Variants in NLRP14 observed in about 807,000 individuals in gnomAD.
NLRP14 encodes the protein NLR family pyrin domain containing 14.
NLRP14 carries 105 observed loss-of-function variants against 94.7 expected under a neutral mutation model. That is an observed-to-expected ratio of 1.11 (90% CI 0.95 to 1.30). The LOEUF (loss-of-function observed/expected upper bound fraction) is 1.30. Ranked by LOEUF, NLRP14 falls within the 50% of genes most tolerant of loss-of-function variation. The pLI is 0.00. For synonymous variants in NLRP14, 508 were observed against 459.9 expected (o/e 1.10, Z -1.34); for missense variants, 1,362 against 1,254.1 (o/e 1.09, Z -1.30).
chr11:7,075,121 C>G (rs1852858784), downstream of NLRP14, among the ~76,000 whole-genome samples: 3 of 152,088 alleles, frequency 2.0e-5, no homozygotes, highest in Admixed American at 2.0e-4. Context: ...TGTGTCTGAC[C>G]TCCCGTCTCT....
intron 1 of NLRP14, among the ~76,000 whole-genome samples, chr11:7,024,994 AGAG>A (rs1053455064): frequency 3.9e-5 from 6 of 152,262 alleles, no homozygotes; most frequent in Non-Finnish European, 7.4e-5. Flanking sequence ...AAAAAAAGAA[AGAG>A]GAGTTTATAA....
At chr11:7,045,025 T>C (rs956932347) in intron 4 of NLRP14, among the ~76,000 whole-genome samples, 2 of 152,202 alleles carry the variant, frequency 1.3e-5, no homozygotes, top group Non-Finnish European at 2.9e-5. Flanking sequence ...AGAAGGCATA[T>C]AACTTGACTG....
At chr11:7,044,184 C>T (rs1022221494) in intron 4 of NLRP14, among the ~76,000 whole-genome samples, 200 bp downstream of exon 4, 5 of 152,076 alleles carry the variant, frequency 3.3e-5, no homozygotes, top group Admixed American at 2.6e-4. Context: ...CAAAAACTTT[C>T]CTGAGATGGC....
In NLRP14 at chr11:7,042,896, T is replaced by A; in HGVS notation, c.870T>A (p.Ser290Arg). ...TQEHPVSFLM[S>R]SLLRKVMLPE... ...AACACCCAGTGTCCTTCCTCATGAG[T>A]AGTTTGCTGAGGAAAGTGATGCTCC... The change falls in exon 4 of 12, where the codon AGT becomes AGA. Residue 290 changes from serine (S) to arginine (R), a missense_variant. By Grantham distance (110) the Ser-to-Arg change is moderately radical. Transcript: ENST00000299481. 6.2e-7 allele frequency: 1 copy of A among 1,613,798 alleles called. No homozygotes were observed. The highest frequency in any genetic ancestry group is 8.5e-7 in the Non-Finnish European group (1 of 1,179,904).
intron 6 of NLRP14, among the ~76,000 whole-genome samples, chr11:7,052,787 ACT>A (rs371512748): frequency 6.6e-5 from 10 of 152,280 alleles, no homozygotes; most frequent in Middle Eastern, 3.4e-3. Context: ...GAGTGAGGAA[ACT>A]CTGTGGCTCA....
chr11:7,031,984 C>T (rs1477252132), intron 1 of NLRP14, among the ~76,000 whole-genome samples: 3 of 152,212 alleles, frequency 2.0e-5, no homozygotes, highest in Non-Finnish European at 4.4e-5. Context: ...CCAGCAGTGA[C>T]CCAAAATTGC....
At chr11:7,048,464 C>A (rs555063646) in intron 5 of NLRP14, among the ~76,000 whole-genome samples, 3 of 152,176 alleles carry the variant, frequency 2.0e-5, no homozygotes, top group East Asian at 3.9e-4. Flanking sequence ...GAATGCTGAA[C>A]AAATGATAGA....
intron 1 of NLRP14, among the ~76,000 whole-genome samples, chr11:7,035,118 C>G (rs879521353): frequency 6.7e-6 from 1 of 149,836 alleles, no homozygotes; most frequent in Non-Finnish European, 1.5e-5. Context: ...ATGGTGAAAC[C>G]CTGTCTCTAC....
chr11:7,072,809 A>C (rs905370870), downstream of NLRP14, among the ~76,000 whole-genome samples: 1 of 152,104 alleles, frequency 6.6e-6, no homozygotes, highest in African/African-American at 2.4e-5. Flanking sequence ...GGTGTTTTCT[A>C]TCTGTTGGAG....
At chr11:7,073,618 G>C (rs1034116051), downstream of NLRP14, among the ~76,000 whole-genome samples, 1 of 152,166 alleles carries the variant, frequency 6.6e-6, no homozygotes. Context: ...CCATAAGTCA[G>C]GGTTCCCACA....
intron 1 of NLRP14, among the ~76,000 whole-genome samples, chr11:7,025,603 A>T (rs1852003553): frequency 6.6e-6 from 1 of 152,184 alleles, no homozygotes; most frequent in African/African-American, 2.4e-5. Context: ...AGAAACTCTC[A>T]GAGTCACTCA....
At chr11:7,082,303 A>G in the NLRP14 span, among the ~76,000 whole-genome samples, 1 of 152,170 alleles carries the variant, frequency 6.6e-6, no homozygotes, top group African/African-American at 2.4e-5. Context: ...TATATTTTTT[A>G]CCAACAATGC....
chr11:7,089,857 C>G, the NLRP14 span: 1 of 1,612,326 alleles, frequency 6.2e-7, no homozygotes, highest in Non-Finnish European at 8.5e-7. Context: ...TACGGCCACT[C>G]CAGTGTCCGG....
At chr11:7,061,721 G>A (rs1852624517) in intron 9 of NLRP14, among the ~76,000 whole-genome samples, 1 of 152,014 alleles carries the variant, frequency 6.6e-6, no homozygotes, top group Non-Finnish European at 1.5e-5. Context: ...GAGAAATGAT[G>A]AAGATTCTGT....
downstream of NLRP14, among the ~76,000 whole-genome samples, chr11:7,076,087 G>A (rs1017407525): frequency 6.6e-6 from 1 of 152,176 alleles, no homozygotes; most frequent in Admixed American, 6.5e-5. Flanking sequence ...TGGAACAGTG[G>A]TGATGGTTAG....
chr11:7,074,817 T>TTTATACATTTATACATTTTCC (rs1852854408), downstream of NLRP14, among the ~76,000 whole-genome samples: 2 of 152,234 alleles, frequency 1.3e-5, no homozygotes, highest in African/African-American at 4.8e-5. Context: ...TATTTATACA[T>TTTATACATTTATACATTTTCC]TTTCCTTTAA....
At chr11:7,090,423 CTGT>C in the NLRP14 span, 2 of 1,236,502 alleles carry the variant, frequency 1.6e-6, no homozygotes, top group Admixed American at 4.2e-5. Flanking sequence ...TAAGAATTTC[CTGT>C]TAAGATCGTC....
chr11:7,064,856 A>T (rs943401600), intron 10 of NLRP14, among the ~76,000 whole-genome samples: 1 of 151,828 alleles, frequency 6.6e-6, no homozygotes, highest in Non-Finnish European at 1.5e-5. Flanking sequence ...TGAAATTTTT[A>T]TCCCCTCTGC....
chr11:7,076,837 C>T, the NLRP14 span, among the ~76,000 whole-genome samples: 2 of 152,172 alleles, frequency 1.3e-5, no homozygotes, highest in African/African-American at 2.4e-5. Context: ...TCTTCTTGCA[C>T]ATGTGGGCTA....
Sources: allele counts gnomAD v4.1 joint callset (sites outside exome capture counted in the v4.1 genomes callset), GRCh38; gene constraint gnomAD v4.1.1; transcripts MANE v1.5; gene names NCBI Gene and HGNC (gene_info 2026-07-23, HGNC 2026-07-21).